Variants in APBB2 observed in about 807,000 individuals in gnomAD.
The protein encoded by APBB2 is amyloid beta precursor protein binding family B member 2.
In APBB2, 38 loss-of-function variants were observed where a neutral mutation model predicts 82.5. The ratio of observed to expected loss-of-function variants is 0.46; its 90% CI spans 0.36 to 0.60. The LOEUF (loss-of-function observed/expected upper bound fraction) is 0.60. Among genes scored for constraint, APBB2 ranks in the 20% least tolerant of loss-of-function variants. APBB2 has a pLI of 0.00. For synonymous variants in APBB2, 341 were observed against 368.2 expected (o/e 0.93, Z 0.85); for missense variants, 772 against 972.3 (o/e 0.79, Z 2.74).
In APBB2 at chr4:40,866,961, G is replaced by C. The variant is rs545485013; in HGVS notation, c.1529+23403C>G. On this transcript the variant is annotated intron_variant, in intron 12 of 17. Coordinates refer to ENST00000508593, the MANE Select transcript of APBB2 (RefSeq NM_004307.2). Reference sequence around the variant, plus strand: ...TGCAGAGATGGGGTTTCACTATGTTGGTCAGGCTGGTCTCGAACTCCTGAC... The same window carrying C: ...TGCAGAGATGGGGTTTCACTATGTTCGTCAGGCTGGTCTCGAACTCCTGAC... 3.4e-4 allele frequency among the ~76,000 whole-genome samples: 52 copies of C among 152,224 alleles called. 1 individual carries two copies. The highest frequency in any genetic ancestry group is 1.2e-3 in the African/African-American group (49 of 41,522).
At chr4:40,861,030 T>C (rs764741917) in intron 12 of APBB2, among the ~76,000 whole-genome samples, 1 of 152,174 alleles carries the variant, frequency 6.6e-6, no homozygotes, top group African/African-American at 2.4e-5. Context: ...CTGGGCAATA[T>C]AGCGAGACCC....
chr4:41,167,645 G>A (rs1027959696), intron 1 of APBB2, among the ~76,000 whole-genome samples: 4 of 152,188 alleles, frequency 2.6e-5, no homozygotes, highest in Admixed American at 1.3e-4. Context: ...GAAGTCATAT[G>A]GATTCAGAGA....
chr4:40,901,079 G>C (rs1193011200), intron 10 of APBB2, among the ~76,000 whole-genome samples: 2 of 152,178 alleles, frequency 1.3e-5, no homozygotes, highest in Admixed American at 1.3e-4. Flanking sequence ...GGGCCCAGAT[G>C]TTGAAGCCAC....
At chr4:41,003,117 C>T (rs190010510) in intron 6 of APBB2, among the ~76,000 whole-genome samples, 1 of 152,254 alleles carries the variant, frequency 6.6e-6, no homozygotes, top group Admixed American at 6.5e-5. Context: ...ATGTTTTTAT[C>T]TTTTATTTTT....
chr4:40,997,408 C>A (rs1803923151), intron 6 of APBB2, among the ~76,000 whole-genome samples: 1 of 152,180 alleles, frequency 6.6e-6, no homozygotes, highest in Non-Finnish European at 1.5e-5. Context: ...TAAACTCTAC[C>A]TTACAAAGGG....
chr4:40,936,739 T>G (rs546102985), intron 7 of APBB2, among the ~76,000 whole-genome samples: 1 of 152,240 alleles, frequency 6.6e-6, no homozygotes, highest in African/African-American at 2.4e-5. Flanking sequence ...ATAATTTCTC[T>G]TAATGAATAA....
chr4:40,876,807 T>C (rs886937997), intron 12 of APBB2, among the ~76,000 whole-genome samples: 1 of 152,240 alleles, frequency 6.6e-6, no homozygotes, highest in African/African-American at 2.4e-5. Flanking sequence ...TCTGCAGATA[T>C]AGAGGGCCGA....
chr4:40,910,508 G>A (rs1396268445), intron 10 of APBB2, among the ~76,000 whole-genome samples: 1 of 152,142 alleles, frequency 6.6e-6, no homozygotes, highest in Non-Finnish European at 1.5e-5. Flanking sequence ...CAAAGTGCTA[G>A]GATTACAGGC....
At chr4:40,983,829 G>A (rs551808333) in intron 6 of APBB2, among the ~76,000 whole-genome samples, 6 of 152,214 alleles carry the variant, frequency 3.9e-5, no homozygotes, top group Non-Finnish European at 8.8e-5. Context: ...CTCCCGCCTC[G>A]GCCTCCCAAA....
chr4:41,159,994 A>G (rs776912502), intron 1 of APBB2, among the ~76,000 whole-genome samples: 1,625 of 140,880 alleles, frequency 0.012, 183 homozygotes, highest in African/African-American at 0.045. Flanking sequence ...GAAGAAGAAG[A>G]AGAAGAAGAA....
In APBB2 at chr4:40,814,157, T is replaced by C. The variant is rs571590509; in HGVS notation, c.*1935A>G. 1.3e-5 allele frequency: 2 copies of C among 152,310 alleles called. No individual in the cohort carries two copies. The highest frequency in any genetic ancestry group is 4.1e-4 in the South Asian group (2 of 4,826). The allele number at this position is 152,310 out of a possible 1,614,324, so 9.4% of individuals were successfully genotyped here. A position where few individuals can be genotyped will look rare whatever the true frequency, so the allele number is the denominator to read the frequency against. ...CACAAGTAGCATCTGGAAAATCTCG[T>C]AGATGGAACAGGCTGTGAATGTAGA... On this transcript the variant is annotated 3_prime_UTR_variant, in exon 18 of 18. Transcript: ENST00000508593.
intron 6 of APBB2, among the ~76,000 whole-genome samples, chr4:40,982,493 T>C (rs1315080196): frequency 6.7e-6 from 1 of 149,736 alleles, no homozygotes; most frequent in African/African-American, 2.5e-5. Flanking sequence ...CTGGGCAATG[T>C]AGCAAAACCA....
intron 10 of APBB2, among the ~76,000 whole-genome samples, chr4:40,922,074 T>C (rs1436389740): frequency 6.6e-6 from 1 of 152,202 alleles, no homozygotes; most frequent in Non-Finnish European, 1.5e-5. Flanking sequence ...TAAATACACC[T>C]TTCATGAAGC....
At chr4:40,904,632 C>T (rs1776206089) in intron 10 of APBB2, among the ~76,000 whole-genome samples, 1 of 149,636 alleles carries the variant, frequency 6.7e-6, no homozygotes, top group Admixed American at 6.7e-5. Context: ...CAGGCAGAAA[C>T]GATCACTGTC....
intron 1 of APBB2, among the ~76,000 whole-genome samples, chr4:41,151,739 G>A (rs1330812171): frequency 1.3e-5 from 2 of 151,066 alleles, no homozygotes; most frequent in African/African-American, 2.4e-5. Context: ...TAAACAATCT[G>A]CCTTTTTTTC....
At chr4:40,879,690 TTC>T (rs1268676110) in intron 12 of APBB2, among the ~76,000 whole-genome samples, 2 of 151,784 alleles carry the variant, frequency 1.3e-5, no homozygotes, top group Admixed American at 1.3e-4. Context: ...AATATTTTTT[TTC>T]TTTCTTTTTT....
Position 40,826,247 on chromosome 4 carries a change from A to C in APBB2, c.1733-277T>G. ...TGCTACTGTCTCTTTGATGTATATT[A>C]AGTAAAGTAGCAGCTTTTGGTGTCC... On this transcript the variant is annotated intron_variant, in intron 14 of 17. Transcript: ENST00000508593. This position sits in a 1 kb window ranked among gnomAD's most constrained non-coding sequence, Gnocchi z 4.5. 1 of 390,948 alleles carries C rather than the reference A, an allele frequency of 2.6e-6. No homozygotes were observed. The highest frequency in any genetic ancestry group is 4.7e-6 in the Non-Finnish European group (1 of 214,934). The allele number at this position is 390,948 out of a possible 1,614,324, so 24.2% of individuals were successfully genotyped here.
At chr4:41,213,566 G>GT (rs1434560786) in intron 1 of APBB2, among the ~76,000 whole-genome samples, 1 of 152,162 alleles carries the variant, frequency 6.6e-6, no homozygotes, top group African/African-American at 2.4e-5. Flanking sequence ...CCCCGAACCC[G>GT]TAGTCTACAC....
rs143135970 is a variant in APBB2 at position 41,092,562 on chromosome 4, G to C, written c.-149+8077C>G. On this transcript the variant is annotated intron_variant, in intron 3 of 17. Transcript: ENST00000508593. ...AAATTAGCCAGGCATGGTGGCGCGT[G>C]TGTGTACTCGCAGCTACTCGGGAGG... Among the ~76,000 whole-genome samples the C allele has an allele frequency of 2.6e-3, 389 of 152,202 alleles. 1 individual carries two copies. Among genetic ancestry groups the C allele is most frequent in the African/African-American group, 8.8e-3 (367 of 41,534 alleles).
Sources: allele counts gnomAD v4.1 joint callset (sites outside exome capture counted in the v4.1 genomes callset), GRCh38; gene constraint gnomAD v4.1.1; non-coding constraint Gnocchi (gnomAD v3.1); transcripts MANE v1.5; gene names NCBI Gene and HGNC (gene_info 2026-07-23, HGNC 2026-07-21).